The following PCDH15 variants were observed in gnomAD, a reference collection of about 807,000 sequenced individuals.
The protein encoded by PCDH15 is protocadherin related 15.
PCDH15 carries 129 observed loss-of-function variants against 178.5 expected under a neutral mutation model. The ratio of observed to expected loss-of-function variants is 0.72; its 90% CI spans 0.63 to 0.84. The LOEUF is 0.84. Ranked by LOEUF, PCDH15 falls within the 40% of genes least tolerant of loss-of-function variation. The pLI is 0.00. For missense variants in PCDH15, 2,230 were observed against 2,099.9 expected (o/e 1.06, Z -1.21); for synonymous variants, 800 against 732.0 (o/e 1.09, Z -1.50).
chr10:54,119,190 G>A (rs2095170708), intron 15 of PCDH15, among the ~76,000 whole-genome samples: 1 of 151,460 alleles, frequency 6.6e-6, no homozygotes, highest in African/African-American at 2.4e-5. Flanking sequence ...TATAAAACAT[G>A]GATTGCAAAA....
At chr10:54,777,254 T>C (rs1347605249) in intron 1 of PCDH15, among the ~76,000 whole-genome samples, 1 of 152,202 alleles carries the variant, frequency 6.6e-6, no homozygotes, top group Non-Finnish European at 1.5e-5. Flanking sequence ...TCCACCACCA[T>C]ACCAATCATC....
At chr10:54,469,481 T>A (rs1242441138) in intron 3 of PCDH15, among the ~76,000 whole-genome samples, 3 of 152,220 alleles carry the variant, frequency 2.0e-5, no homozygotes, top group Non-Finnish European at 2.9e-5. Context: ...TTTATTTTTA[T>A]ATGTGAGGGC....
At chr10:54,992,005 C>A (rs545457729) in intron 2 of PCDH15, among the ~76,000 whole-genome samples, 2 of 152,038 alleles carry the variant, frequency 1.3e-5, no homozygotes, top group Non-Finnish European at 2.9e-5. Flanking sequence ...AACATGCTTT[C>A]TCATATTATT....
intron 1 of PCDH15, among the ~76,000 whole-genome samples, chr10:54,732,004 T>A (rs1042842275): frequency 4.6e-5 from 7 of 151,310 alleles, no homozygotes; most frequent in African/African-American, 1.7e-4. Flanking sequence ...TTACACTGAT[T>A]TGATATTTAC....
intron 10 of PCDH15, among the ~76,000 whole-genome samples, chr10:54,213,035 C>T (rs1199253732): frequency 6.6e-6 from 1 of 152,142 alleles, no homozygotes; most frequent in Non-Finnish European, 1.5e-5. Context: ...TACCTTACTT[C>T]CTTTTCCTTT....
chr10:54,339,620 T>C (rs1478200464), intron 6 of PCDH15, among the ~76,000 whole-genome samples: 1 of 152,154 alleles, frequency 6.6e-6, no homozygotes. Flanking sequence ...CTGACAAAGA[T>C]TCTTTGCCTG....
At chr10:55,164,614 T>C (rs969248143) in intron 2 of PCDH15, among the ~76,000 whole-genome samples, 1 of 152,120 alleles carries the variant, frequency 6.6e-6, no homozygotes, top group Admixed American at 6.6e-5. Context: ...ATTCATGCTC[T>C]TGTTGATTTA....
chr10:55,475,015 T>C (rs12770354), intron 2 of PCDH15, among the ~76,000 whole-genome samples: 51,425 of 151,864 alleles, frequency 0.34, 9,047 homozygotes, highest in East Asian at 0.51. Flanking sequence ...CTAAAATTAG[T>C]ACCTTCACAA....
At chr10:55,361,831 T>C (rs937147950) in intron 2 of PCDH15, among the ~76,000 whole-genome samples, 3 of 152,084 alleles carry the variant, frequency 2.0e-5, no homozygotes, top group Non-Finnish European at 4.4e-5. Context: ...CAGTGTTATA[T>C]AGAATACAGG....
chr10:55,217,863 T>C (rs1038124113), intron 1 of PCDH15, among the ~76,000 whole-genome samples: 2 of 151,992 alleles, frequency 1.3e-5, no homozygotes, highest in African/African-American at 2.4e-5. Flanking sequence ...AAATTTCATG[T>C]TTGTGGAAGG....
chr10:54,121,996 GACACAT>G (rs1190420966), intron 15 of PCDH15, among the ~76,000 whole-genome samples: 4 of 95,938 alleles, frequency 4.2e-5, no homozygotes, highest in South Asian at 3.4e-4. Context: ...ACCGGGCAAA[GACACAT>G]ACACACACAC....
At chr10:55,282,887 A>G (rs1334335719) in intron 1 of PCDH15, among the ~76,000 whole-genome samples, 1 of 152,156 alleles carries the variant, frequency 6.6e-6, no homozygotes, top group African/African-American at 2.4e-5. Flanking sequence ...TTTTGCTTCT[A>G]ATCTCCAAGC....
At chr10:53,965,011 C>T (rs2088843336) in intron 21 of PCDH15, among the ~76,000 whole-genome samples, 1 of 151,756 alleles carries the variant, frequency 6.6e-6, no homozygotes, top group Admixed American at 6.6e-5. Context: ...GTATTACATG[C>T]ATTTTCATAC....
intron 20 of PCDH15, among the ~76,000 whole-genome samples, chr10:54,012,446 C>A (rs1034987017): frequency 1.3e-5 from 2 of 151,928 alleles, no homozygotes; most frequent in Non-Finnish European, 2.9e-5. Flanking sequence ...CAGAGAACTG[C>A]AAGATACTAT....
At chr10:54,861,210 C>T (rs573878992) in intron 3 of PCDH15, among the ~76,000 whole-genome samples, 3 of 152,090 alleles carry the variant, frequency 2.0e-5, no homozygotes, top group Admixed American at 2.0e-4. Flanking sequence ...AAGGCAGATG[C>T]ATTGATAGAC....
intron 2 of PCDH15, among the ~76,000 whole-genome samples, chr10:55,378,467 A>G (rs1837452236): frequency 6.6e-6 from 1 of 152,120 alleles, no homozygotes. Flanking sequence ...TATCCCCTTA[A>G]AAGGAACTAC....
intron 2 of PCDH15, among the ~76,000 whole-genome samples, chr10:55,548,913 G>C (rs1475595823): frequency 1.3e-5 from 2 of 152,016 alleles, no homozygotes; most frequent in East Asian, 3.9e-4. Context: ...GAGATAAAGT[G>C]CTTTAAAAAA....
chr10:53,919,991 T>A (rs964415172), intron 25 of PCDH15, among the ~76,000 whole-genome samples: 8 of 152,172 alleles, frequency 5.3e-5, no homozygotes, highest in Admixed American at 5.2e-4. Flanking sequence ...ATGTAGATAA[T>A]CTGGTTGGAA....
At chr10:54,106,151 G>A (rs1468654080) in intron 15 of PCDH15, among the ~76,000 whole-genome samples, 1 of 152,132 alleles carries the variant, frequency 6.6e-6, no homozygotes, top group African/African-American at 2.4e-5. Flanking sequence ...GAGGAGTATA[G>A]GCTTTTTTTA....
Sources: gnomAD v4.1 joint callset for allele counts (sites outside exome capture counted in the v4.1 genomes callset) on GRCh38, gnomAD v4.1.1 for gene constraint, MANE v1.5 for transcripts, NCBI Gene and HGNC (gene_info 2026-07-23, HGNC 2026-07-21) for gene names.